Variants in GRID1 observed in about 807,000 individuals in gnomAD.
GRID1 encodes the protein glutamate receptor ionotropic, delta-1.
GRID1 carries 28 observed loss-of-function variants against 98.0 expected under a neutral mutation model. The observed-to-expected ratio is 0.29, with a 90% CI of 0.21 to 0.39. GRID1 has a LOEUF of 0.39. Ranked by LOEUF, GRID1 falls within the 10% of genes least tolerant of loss-of-function variation. The probability of loss-of-function intolerance (pLI) is 1.00; values close to 1 mark genes in which losing one functional copy is unlikely to be tolerated. For missense variants in GRID1, 1,111 were observed against 1,340.5 expected (o/e 0.83, Z 2.67); for synonymous variants, 553 against 538.5 (o/e 1.03, Z -0.37).
At chr10:85,602,820 T>C in intron 15 of GRID1, 119 bp from the exon 16 acceptor site, 2 of 689,080 alleles carry the variant, frequency 2.9e-6, no homozygotes, top group Non-Finnish European at 4.9e-6. Context: ...TGTGGGCGAG[T>C]ATCCCTTTCA....
chr10:85,762,110 A>G (rs895334963), intron 8 of GRID1, among the ~76,000 whole-genome samples: 1 of 152,140 alleles, frequency 6.6e-6, no homozygotes, highest in African/African-American at 2.4e-5. Context: ...ATTAAGTGAC[A>G]CTCAATTACA....
chr10:86,176,511 G>A (rs1422125694), intron 3 of GRID1, among the ~76,000 whole-genome samples: 3 of 152,272 alleles, frequency 2.0e-5, no homozygotes, highest in Non-Finnish European at 4.4e-5. Context: ...GAGAGCTAAA[G>A]CAGTTCAGCA....
chr10:86,033,431 G>A (rs1791593416), intron 4 of GRID1, among the ~76,000 whole-genome samples: 1 of 152,158 alleles, frequency 6.6e-6, no homozygotes, highest in African/African-American at 2.4e-5. Context: ...TCCAAGGGGT[G>A]GGAAGAAAAC....
chr10:85,959,057 A>C (rs17106043), intron 4 of GRID1, among the ~76,000 whole-genome samples: 18,612 of 152,124 alleles, frequency 0.12, 1,289 homozygotes, highest in Admixed American at 0.22. Context: ...GGGCATTGGT[A>C]TTTTCCAACC....
At chr10:86,331,170 G>T (rs756191037) in intron 2 of GRID1, among the ~76,000 whole-genome samples, 1 of 152,228 alleles carries the variant, frequency 6.6e-6, no homozygotes, top group Admixed American at 6.5e-5. Flanking sequence ...CACGGGATGT[G>T]TTGCTAATTC....
intron 8 of GRID1, among the ~76,000 whole-genome samples, chr10:85,802,065 A>C (rs1287711035): frequency 6.6e-6 from 1 of 152,090 alleles, no homozygotes; most frequent in Non-Finnish European, 1.5e-5. Flanking sequence ...CTGTAAGAGG[A>C]AGTTATAAAA....
intron 12 of GRID1, among the ~76,000 whole-genome samples, chr10:85,651,330 T>C (rs950193698): frequency 3.3e-5 from 5 of 152,042 alleles, no homozygotes; most frequent in African/African-American, 9.7e-5. Context: ...CAGGCCAGAG[T>C]AGTCACACCC....
chr10:86,251,080 A>T (rs913061335), intron 2 of GRID1, among the ~76,000 whole-genome samples: 2 of 152,172 alleles, frequency 1.3e-5, no homozygotes, highest in African/African-American at 4.8e-5. Flanking sequence ...TGCTGTGTCC[A>T]CTAAGGGTTA....
intron 12 of GRID1, among the ~76,000 whole-genome samples, chr10:85,717,923 A>G (rs531351628): frequency 3.5e-3 from 1 of 284 alleles, no homozygotes; most frequent in East Asian, 0.12. Flanking sequence ...GGGCAGTCAG[A>G]TTTTAAGCTC....
chr10:86,182,395 C>T (rs1368094870), intron 3 of GRID1, among the ~76,000 whole-genome samples: 3 of 152,210 alleles, frequency 2.0e-5, no homozygotes, highest in Non-Finnish European at 4.4e-5. Context: ...ACAAACTGCT[C>T]CACAGTGAGA....
chr10:86,094,248 T>A (rs970375072), intron 4 of GRID1, among the ~76,000 whole-genome samples: 2 of 152,148 alleles, frequency 1.3e-5, no homozygotes, highest in African/African-American at 2.4e-5. Flanking sequence ...TAATACTGAA[T>A]GGGGAAAAGT....
chr10:86,127,160 TGAG>T (rs1249156155), intron 4 of GRID1, among the ~76,000 whole-genome samples: 3 of 152,190 alleles, frequency 2.0e-5, no homozygotes, highest in Non-Finnish European at 4.4e-5. Context: ...AGTCTCCAAC[TGAG>T]TAGTCGCTGT....
At chr10:85,630,974 C>A (rs1842970489) in intron 13 of GRID1, among the ~76,000 whole-genome samples, 1 of 152,128 alleles carries the variant, frequency 6.6e-6, no homozygotes, top group Non-Finnish European at 1.5e-5. Context: ...GAAGGGAAAC[C>A]ATAGAGTTGA....
At chr10:86,332,365 G>A (rs1011970530) in intron 2 of GRID1, among the ~76,000 whole-genome samples, 3 of 152,138 alleles carry the variant, frequency 2.0e-5, no homozygotes, top group African/African-American at 7.2e-5. Flanking sequence ...TCAGCGGCAT[G>A]AGGTATGAAG....
At chr10:85,764,206 T>A (rs1424009304) in intron 8 of GRID1, among the ~76,000 whole-genome samples, 5 of 152,082 alleles carry the variant, frequency 3.3e-5, no homozygotes, top group Non-Finnish European at 5.9e-5. Context: ...TGTTCAATAA[T>A]CAGAGGGATC....
chr10:85,955,208 C>A (rs1370331264), intron 4 of GRID1, among the ~76,000 whole-genome samples: 1 of 152,156 alleles, frequency 6.6e-6, no homozygotes, highest in African/African-American at 2.4e-5. Flanking sequence ...AACTTACTCA[C>A]TCAGTAGAAA....
At chr10:85,698,109 A>C (rs927785077) in intron 12 of GRID1, among the ~76,000 whole-genome samples, 1 of 152,156 alleles carries the variant, frequency 6.6e-6, no homozygotes, top group Non-Finnish European at 1.5e-5. Context: ...TGGAGAGTGC[A>C]GGTACCACCG....
intron 4 of GRID1, among the ~76,000 whole-genome samples, chr10:85,989,723 G>A (rs542845017): frequency 1.6e-4 from 24 of 152,264 alleles, no homozygotes; most frequent in Admixed American, 3.3e-4. Context: ...ATCTGTCCCT[G>A]GTGCCAAAAA....
intron 5 of GRID1, among the ~76,000 whole-genome samples, chr10:85,900,821 C>T (rs536862918): frequency 1.1e-3 from 167 of 152,078 alleles, no homozygotes; most frequent in Middle Eastern, 3.4e-3. Context: ...ACATGTATGA[C>T]GAATGAACAA....
Sources: gnomAD v4.1 joint callset for allele counts (sites outside exome capture counted in the v4.1 genomes callset) on GRCh38, gnomAD v4.1.1 for gene constraint, MANE v1.5 for transcripts, NCBI Gene and HGNC (gene_info 2026-07-23, HGNC 2026-07-21) for gene names.